The following NDST4 variants were observed in gnomAD, a reference collection of about 807,000 sequenced individuals.
The protein encoded by NDST4 is N-heparan sulfate sulfotransferase 4.
Under a neutral mutation model 100.8 loss-of-function variants are expected in NDST4, and 63 were observed. The observed-to-expected ratio is 0.62, with a 90% CI of 0.51 to 0.77. NDST4 has a LOEUF of 0.77. Ranked by LOEUF, NDST4 falls within the 30% of genes least tolerant of loss-of-function variation. NDST4 has a pLI of 0.00. For synonymous variants in NDST4, 377 were observed against 361.8 expected (o/e 1.04, Z -0.48); for missense variants, 943 against 1,018.4 (o/e 0.93, Z 1.01).
Position 114,937,366 on chromosome 4 carries a change from A to T in NDST4, c.1359T>A (p.His453Gln). The change falls in exon 5 of 14, where the codon CAT (histidine) becomes CAA (glutamine). Residue 453 changes from histidine to glutamine, a missense_variant. Transcript: ENST00000264363. ...IQVTSTEEYPHLKPARYRKGF... is the reference protein window; with the variant it reads ...IQVTSTEEYPQLKPARYRKGF... ...CCTTTCTGTACCGGGCAGGTTTCAG[A>T]TGTGGATATTCTTCAGTGCTGGTGA... 1.2e-6 allele frequency: 2 copies of T among 1,614,144 alleles called. No individual in the cohort carries two copies. The highest frequency in any genetic ancestry group is 1.7e-6 in the Non-Finnish European group (2 of 1,180,006).
chr4:114,976,318 C>T (rs977824565), intron 3 of NDST4, among the ~76,000 whole-genome samples: 1 of 152,040 alleles, frequency 6.6e-6, no homozygotes, highest in African/African-American at 2.4e-5. Context: ...GCAATCAGTT[C>T]ACAGCATGGA....
At chr4:115,000,505 A>G (rs1727266174) in intron 2 of NDST4, among the ~76,000 whole-genome samples, 1 of 152,078 alleles carries the variant, frequency 6.6e-6, no homozygotes, top group East Asian at 1.9e-4. Flanking sequence ...TTACACATGG[A>G]CCCAAAAGGA....
At chr4:115,020,893 A>G (rs543105485) in intron 2 of NDST4, among the ~76,000 whole-genome samples, 5 of 152,222 alleles carry the variant, frequency 3.3e-5, no homozygotes, top group African/African-American at 1.2e-4. Context: ...AATGGCCATA[A>G]TCAAAAAGTC....
At chr4:114,874,320 T>C (rs1724212852) in intron 6 of NDST4, among the ~76,000 whole-genome samples, 1 of 152,026 alleles carries the variant, frequency 6.6e-6, no homozygotes, top group Non-Finnish European at 1.5e-5. Context: ...ATAAGCTTTG[T>C]TTGATGGAAA....
intron 7 of NDST4, among the ~76,000 whole-genome samples, chr4:114,869,949 T>G (rs1011750069): frequency 6.6e-6 from 1 of 152,146 alleles, no homozygotes; most frequent in South Asian, 2.1e-4. Context: ...GGAGAGAGGA[T>G]GACAAAAAGT....
At chr4:114,935,403 C>T in intron 5 of NDST4, 69 bp from the exon 6 acceptor site, 2 of 1,356,692 alleles carry the variant, frequency 1.5e-6, no homozygotes, top group Non-Finnish European at 1.9e-6. Context: ...TGTCTCATAA[C>T]TTTAGAATCT....
At chr4:115,084,534 G>GA (rs1729369646) in intron 1 of NDST4, among the ~76,000 whole-genome samples, 1 of 152,092 alleles carries the variant, frequency 6.6e-6, no homozygotes, top group South Asian at 2.1e-4. Flanking sequence ...GGCCTAGGAG[G>GA]AAAAAATGGA....
intron 6 of NDST4, among the ~76,000 whole-genome samples, chr4:114,892,241 T>C (rs1363254513): frequency 6.6e-6 from 1 of 152,144 alleles, no homozygotes; most frequent in Non-Finnish European, 1.5e-5. Flanking sequence ...AATTTAAGAG[T>C]TGGTAATACA....
chr4:115,031,353 C>A (rs978209960), intron 2 of NDST4, among the ~76,000 whole-genome samples: 2 of 152,010 alleles, frequency 1.3e-5, no homozygotes, highest in African/African-American at 4.8e-5. Context: ...TAAAGGAGAT[C>A]AATTGCTGAG....
At chr4:114,891,405 A>G (rs1040751516) in intron 6 of NDST4, among the ~76,000 whole-genome samples, 1 of 152,050 alleles carries the variant, frequency 6.6e-6, no homozygotes, top group Non-Finnish European at 1.5e-5. Context: ...AGATCATTTC[A>G]CATTCTTCTC....
intron 2 of NDST4, among the ~76,000 whole-genome samples, chr4:115,018,282 A>G (rs1727733086): frequency 6.6e-6 from 1 of 152,022 alleles, no homozygotes; most frequent in South Asian, 2.1e-4. Flanking sequence ...GTCATTGACT[A>G]GTATAACATA....
rs373765439 is a variant in NDST4, at chr4:114,942,443, A to C, written c.1222-4940T>G. Among the ~76,000 whole-genome samples the C allele has an allele frequency of 3.1e-4, 47 of 152,226 alleles. No homozygotes were observed. In the East Asian group the frequency reaches 3.7e-3, roughly 12 times the overall value. On this transcript the variant is annotated intron_variant, in intron 4 of 13. Coordinates refer to ENST00000264363, the MANE Select transcript of NDST4 (RefSeq NM_022569.3). The stretch of plus-strand genomic sequence containing the variant: ...GGCATTTTCCTAGCAGAAAAGAATG[A>C]TATCCTTGACACGAACATCTATAGA...
At chr4:115,005,563 C>CT (rs1049956262) in intron 2 of NDST4, among the ~76,000 whole-genome samples, 34 of 152,164 alleles carry the variant, frequency 2.2e-4, no homozygotes, top group African/African-American at 8.2e-4. Context: ...GTGACAAGTC[C>CT]TTGTTTTTAT....
intron 6 of NDST4, among the ~76,000 whole-genome samples, chr4:114,912,368 G>C (rs1725079509): frequency 6.6e-6 from 1 of 152,266 alleles, no homozygotes; most frequent in Non-Finnish European, 1.5e-5. Context: ...AAATCCTCAA[G>C]TGGGTGTTCA....
At chr4:115,055,764 A>G (rs2126280941) in intron 2 of NDST4, among the ~76,000 whole-genome samples, 1 of 152,282 alleles carries the variant, frequency 6.6e-6, no homozygotes, top group East Asian at 1.9e-4. Context: ...GATAAAGGGT[A>G]AGCTGGCACC....
intron 6 of NDST4, among the ~76,000 whole-genome samples, chr4:114,911,653 T>C (rs912134075): frequency 2.6e-5 from 4 of 152,138 alleles, no homozygotes; most frequent in Admixed American, 1.3e-4. Context: ...CTTAAGTACT[T>C]GTTACTCTTC....
chr4:115,021,851 AC>A (rs1294630731), intron 2 of NDST4, among the ~76,000 whole-genome samples: 16 of 151,534 alleles, frequency 1.1e-4, no homozygotes, highest in African/African-American at 3.9e-4. Context: ...CCATATATAT[AC>A]GTTCCACAGC....
At chr4:115,059,185 CCAA>C (rs1402997036) in intron 2 of NDST4, among the ~76,000 whole-genome samples, 12 of 151,882 alleles carry the variant, frequency 7.9e-5, no homozygotes, top group South Asian at 6.2e-4. Flanking sequence ...TCTGATTGTA[CCAA>C]CAAGATGGTA....
chr4:114,862,722 G>A (rs1021737235), intron 7 of NDST4, among the ~76,000 whole-genome samples: 2 of 152,234 alleles, frequency 1.3e-5, no homozygotes, highest in African/African-American at 4.8e-5. Context: ...CTTGAAAAGA[G>A]TTGTCGTTGT....
Sources: allele counts gnomAD v4.1 joint callset (sites outside exome capture counted in the v4.1 genomes callset), GRCh38; gene constraint gnomAD v4.1.1; transcripts MANE v1.5; gene names NCBI Gene and HGNC (gene_info 2026-07-23, HGNC 2026-07-21).